The following ZNF407 variants were observed in gnomAD, a reference collection of about 807,000 sequenced individuals.
The protein encoded by ZNF407 is zinc finger protein 407.
ZNF407 carries 17 observed loss-of-function variants against 131.2 expected under a neutral mutation model. The ratio of observed to expected loss-of-function variants is 0.13; its 90% CI spans 0.09 to 0.19. The LOEUF (loss-of-function observed/expected upper bound fraction) is 0.19, where lower values mean the gene tolerates loss of function less well. Ranked by LOEUF, ZNF407 falls within the 10% of genes least tolerant of loss-of-function variation. The probability of loss-of-function intolerance (pLI) is 1.00; values close to 1 mark genes in which losing one functional copy is unlikely to be tolerated. For missense variants in ZNF407, 2,681 were observed against 2,830.6 expected (o/e 0.95, Z 1.20); for synonymous variants, 1,156 against 1,062.0 (o/e 1.09, Z -1.72).
chr18:74,849,338 A>T (rs945460812), intron 4 of ZNF407, among the ~76,000 whole-genome samples: 3 of 152,130 alleles, frequency 2.0e-5, no homozygotes, highest in African/African-American at 7.2e-5. Context: ...TGTGCCTCCC[A>T]GAGTGCTGGG....
At chr18:75,033,993 G>T (rs980986918) in intron 8 of ZNF407, among the ~76,000 whole-genome samples, 3 of 152,166 alleles carry the variant, frequency 2.0e-5, no homozygotes, top group African/African-American at 7.2e-5. Flanking sequence ...GATGGCAAGA[G>T]CTATAATGAC....
chr18:75,026,142 G>A (rs775258114), intron 8 of ZNF407, among the ~76,000 whole-genome samples: 19 of 152,148 alleles, frequency 1.2e-4, no homozygotes, highest in Non-Finnish European at 1.9e-4. Context: ...AAGAGACGAC[G>A]ACAAAGGAAC....
intron 3 of ZNF407, among the ~76,000 whole-genome samples, chr18:74,759,934 C>T (rs1262335724): frequency 7.1e-5 from 10 of 141,800 alleles, no homozygotes; most frequent in South Asian, 2.3e-4. Flanking sequence ...CCATATTTTT[C>T]GGTTACTTTA....
intron 1 of ZNF407, among the ~76,000 whole-genome samples, chr18:74,625,699 C>G (rs1458679134): frequency 1.3e-5 from 2 of 152,194 alleles, no homozygotes; most frequent in African/African-American, 2.4e-5. Context: ...CATAACTTCA[C>G]CATGCCCCTC....
intron 4 of ZNF407, among the ~76,000 whole-genome samples, chr18:74,807,515 T>A (rs907236908): frequency 6.6e-6 from 1 of 152,194 alleles, no homozygotes; most frequent in African/African-American, 2.4e-5. Flanking sequence ...TTCAAACTTC[T>A]GTATCCCCTG....
intron 3 of ZNF407, among the ~76,000 whole-genome samples, chr18:74,776,036 C>T (rs190728446): frequency 9.5e-4 from 144 of 152,280 alleles, no homozygotes; most frequent in Middle Eastern, 3.4e-3. Context: ...GCCTGAGCTT[C>T]GGGCAGGAAC....
At chr18:74,718,479 A>C (rs185321189) in intron 3 of ZNF407, among the ~76,000 whole-genome samples, 418 of 152,066 alleles carry the variant, frequency 2.7e-3, no homozygotes, top group Non-Finnish European at 4.7e-3. Flanking sequence ...AGCTGTGATC[A>C]TGATATTGCA....
intron 7 of ZNF407, among the ~76,000 whole-genome samples, chr18:74,900,264 A>G (rs1046621227): frequency 6.6e-6 from 1 of 152,140 alleles, no homozygotes; most frequent in African/African-American, 2.4e-5. Flanking sequence ...GTCTCTCTGC[A>G]CATGGAGAAC....
chr18:74,927,502 G>A (rs1438478475), intron 8 of ZNF407, among the ~76,000 whole-genome samples: 1 of 152,234 alleles, frequency 6.6e-6, no homozygotes, highest in Non-Finnish European at 1.5e-5. Context: ...GGCACAGACG[G>A]ATGGATGGAG....
At chr18:74,616,122 A>G (rs1315233537) in intron 1 of ZNF407, among the ~76,000 whole-genome samples, 1 of 152,196 alleles carries the variant, frequency 6.6e-6, no homozygotes, top group Non-Finnish European at 1.5e-5. Flanking sequence ...TTCAGCATAC[A>G]TTAACCAGTT....
chr18:74,602,271 A>G (rs1982618113), intron 1 of ZNF407, among the ~76,000 whole-genome samples: 1 of 152,222 alleles, frequency 6.6e-6, no homozygotes, highest in South Asian at 2.1e-4. Flanking sequence ...AGAATTGAGC[A>G]CTGAAGGGAG....
intron 8 of ZNF407, among the ~76,000 whole-genome samples, chr18:74,937,721 A>G (rs2145263973): frequency 6.6e-6 from 1 of 152,340 alleles, no homozygotes; most frequent in Non-Finnish European, 1.5e-5. Context: ...TGTCTACCAT[A>G]TTTTATACAT....
intron 8 of ZNF407, among the ~76,000 whole-genome samples, chr18:74,935,529 T>A (rs893703068): frequency 6.6e-6 from 1 of 152,212 alleles, no homozygotes; most frequent in Non-Finnish European, 1.5e-5. Context: ...TTGTAATCAA[T>A]TCTTTCAGCT....
intron 4 of ZNF407, among the ~76,000 whole-genome samples, chr18:74,847,306 A>G (rs1970715899): frequency 6.6e-6 from 1 of 152,168 alleles, no homozygotes; most frequent in Non-Finnish European, 1.5e-5. Flanking sequence ...ATTAACTCTA[A>G]ATGCATCTCA....
chr18:75,045,331 C>G (rs1449676169), intron 8 of ZNF407, among the ~76,000 whole-genome samples: 2 of 152,116 alleles, frequency 1.3e-5, no homozygotes, highest in Non-Finnish European at 2.9e-5. Flanking sequence ...TCAATTTGCA[C>G]TGTTTACATA....
chr18:75,025,020 C>T (rs905596668), intron 8 of ZNF407, among the ~76,000 whole-genome samples: 6 of 152,122 alleles, frequency 3.9e-5, no homozygotes, highest in African/African-American at 1.2e-4. Context: ...AAATTATTTG[C>T]GTATGTGTCA....
chr18:74,972,369 A>G (rs1346163835), intron 8 of ZNF407, among the ~76,000 whole-genome samples: 1 of 152,180 alleles, frequency 6.6e-6, no homozygotes, highest in Non-Finnish European at 1.5e-5. Context: ...GAAAGTAGAG[A>G]GGTGTTCCCC....
chr18:74,952,709 A>G (rs1029736948), intron 8 of ZNF407, among the ~76,000 whole-genome samples: 7 of 152,258 alleles, frequency 4.6e-5, no homozygotes. Flanking sequence ...AATAAATTGC[A>G]CATATTTAAA....
intron 3 of ZNF407, among the ~76,000 whole-genome samples, chr18:74,776,705 G>C (rs1329599569): frequency 6.6e-6 from 1 of 152,124 alleles, no homozygotes; most frequent in Non-Finnish European, 1.5e-5. Flanking sequence ...CCAAGTATAA[G>C]TTTTGACTCC....
Sources: gnomAD v4.1 joint callset for allele counts (sites outside exome capture counted in the v4.1 genomes callset) on GRCh38, gnomAD v4.1.1 for gene constraint, MANE v1.5 for transcripts, NCBI Gene and HGNC (gene_info 2026-07-23, HGNC 2026-07-21) for gene names.